Variants in POU2F1 observed in about 807,000 individuals in gnomAD.
POU2F1 encodes POU class 2 homeobox 1.
POU2F1 carries 16 observed loss-of-function variants against 84.9 expected under a neutral mutation model. The observed-to-expected ratio is 0.19, with a 90% confidence interval of 0.13 to 0.29. POU2F1 has a LOEUF of 0.29. Ranked by LOEUF, POU2F1 falls within the 10% of genes least tolerant of loss-of-function variation. The pLI is 1.00. For missense variants in POU2F1, 738 were observed against 942.6 expected (o/e 0.78, Z 2.84); for synonymous variants, 368 against 368.3 (o/e 1.00, Z 0.01).
chr1:167,310,763 A>G (rs1472024287), intron 1 of POU2F1, among the ~76,000 whole-genome samples: 1 of 152,190 alleles, frequency 6.6e-6, no homozygotes, highest in Non-Finnish European at 1.5e-5. Context: ...AAACAAATGA[A>G]AAAAATGTGG....
chr1:167,285,111 C>T (rs909900573), intron 1 of POU2F1, among the ~76,000 whole-genome samples: 14 of 152,126 alleles, frequency 9.2e-5, no homozygotes, highest in African/African-American at 3.4e-4. Context: ...TTCATTCTGC[C>T]ACTTGTATAG....
At chr1:167,315,304 G>A (rs1655805587) in intron 1 of POU2F1, among the ~76,000 whole-genome samples, 1 of 152,154 alleles carries the variant, frequency 6.6e-6, no homozygotes, top group Admixed American at 6.5e-5. Flanking sequence ...GTATACAGAT[G>A]TGCTTTACAT....
chr1:167,299,404 G>T (rs1654504165), intron 1 of POU2F1, among the ~76,000 whole-genome samples: 1 of 152,072 alleles, frequency 6.6e-6, no homozygotes, highest in Non-Finnish European at 1.5e-5. Flanking sequence ...TATTTAATAT[G>T]TTGAAAAAAT....
At chr1:167,259,666 G>A (rs1236975123) in intron 1 of POU2F1, among the ~76,000 whole-genome samples, 2 of 152,100 alleles carry the variant, frequency 1.3e-5, no homozygotes, top group Non-Finnish European at 2.9e-5. Flanking sequence ...TGTAGGGTGT[G>A]CACATCTTTA....
intron 1 of POU2F1, among the ~76,000 whole-genome samples, chr1:167,331,758 C>G (rs1200865268): frequency 2.0e-5 from 3 of 151,992 alleles, no homozygotes. Context: ...ATGATAAACT[C>G]AAATTAGCAG....
intron 9 of POU2F1, among the ~76,000 whole-genome samples, chr1:167,395,282 G>C (rs1476293255): frequency 1.3e-5 from 2 of 152,158 alleles, no homozygotes; most frequent in Non-Finnish European, 2.9e-5. Flanking sequence ...AGGTTACTAA[G>C]TTTCCATTGC....
chr1:167,363,653 G>A (rs1393437237), intron 2 of POU2F1, among the ~76,000 whole-genome samples: 1 of 152,154 alleles, frequency 6.6e-6, no homozygotes, highest in Admixed American at 6.5e-5. Context: ...CTTGACACAA[G>A]CATGCATTCT....
intron 2 of POU2F1, among the ~76,000 whole-genome samples, chr1:167,364,528 CA>C (rs1157561323): frequency 0.12 from 6,187 of 51,798 alleles, 367 homozygotes; most frequent in African/African-American, 0.3. Flanking sequence ...AGCTCCGTCT[CA>C]AAAAAAAAAA....
intron 1 of POU2F1, among the ~76,000 whole-genome samples, chr1:167,302,134 C>T (rs1190038663): frequency 6.6e-6 from 1 of 151,988 alleles, no homozygotes; most frequent in Non-Finnish European, 1.5e-5. Context: ...GGCAGTGGCA[C>T]CATCTCGGCT....
intron 7 of POU2F1, among the ~76,000 whole-genome samples, chr1:167,381,766 C>T (rs964945694): frequency 6.6e-6 from 1 of 151,678 alleles, no homozygotes; most frequent in Admixed American, 6.6e-5. Context: ...TGTGCCACCA[C>T]ACCCGGTTAA....
At chr1:167,311,755 G>A (rs1422514943) in intron 1 of POU2F1, among the ~76,000 whole-genome samples, 1 of 147,852 alleles carries the variant, frequency 6.8e-6, no homozygotes, top group East Asian at 2.0e-4. Context: ...AGCTACTATG[G>A]GTTATTACAA....
At chr1:167,274,884 T>C (rs911800649) in intron 1 of POU2F1, among the ~76,000 whole-genome samples, 3 of 152,174 alleles carry the variant, frequency 2.0e-5, no homozygotes, top group Admixed American at 1.3e-4. Context: ...CATTTTCCTT[T>C]ACAGCTCCTT....
At chr1:167,412,963 G>T (rs1274581615) in intron 14 of POU2F1, 63 bp from the exon 15 acceptor site, 2 of 1,351,120 alleles carry the variant, frequency 1.5e-6, no homozygotes, top group East Asian at 2.3e-5. Context: ...TCCTTTTGGT[G>T]TGTTGTCAAA....
At chr1:167,400,064 A>G (rs1012590593) in intron 12 of POU2F1, among the ~76,000 whole-genome samples, 33 of 135,272 alleles carry the variant, frequency 2.4e-4, no homozygotes, top group African/African-American at 7.3e-4. Flanking sequence ...GCTCACTGCA[A>G]CCTCCGCCTC....
chr1:167,237,766 ATATATATTTTTTTTT>A (rs1649595485), intron 1 of POU2F1, among the ~76,000 whole-genome samples: 9 of 58,006 alleles, frequency 1.6e-4, no homozygotes, highest in Non-Finnish European at 2.0e-4. Context: ...ATATATATAT[ATATATATTTTTTTTT>A]TTTTTTTTTT....
At chr1:167,410,556 C>G (rs1327867009) in intron 13 of POU2F1, among the ~76,000 whole-genome samples, 1 of 152,016 alleles carries the variant, frequency 6.6e-6, no homozygotes, top group Non-Finnish European at 1.5e-5. Flanking sequence ...TACTTCGTCA[C>G]CCAGACTGGA....
intron 1 of POU2F1, 59 bp downstream of exon 1, chr1:167,221,017 C>G: frequency 7.2e-7 from 1 of 1,390,236 alleles, no homozygotes; most frequent in Non-Finnish European, 9.8e-7. Context: ...TCCCGCTGCC[C>G]CCCCCCGCGA....
At chr1:167,274,198 C>T (rs570183168) in intron 1 of POU2F1, among the ~76,000 whole-genome samples, 2 of 152,252 alleles carry the variant, frequency 1.3e-5, no homozygotes, top group East Asian at 3.9e-4. Context: ...TTATTAGTTA[C>T]GTACCCCTCC....
At position 167,426,981 on chromosome 1, in the gene POU2F1, C is replaced by A. The variant is rs1022085969; in HGVS notation, c.*11171C>A. The A allele has an allele frequency of 1.3e-5, 2 of 152,180 alleles. No homozygotes were observed. The highest frequency in any genetic ancestry group is 4.8e-5 in the African/African-American group (2 of 41,418). The allele number at this position is 152,180 out of a possible 1,614,324, so 9.4% of individuals were successfully genotyped here. ...TCAGCTGATAACTTGCGTGCTGGAC[C>A]TTGTTATCTGTGCCCCTGGGAGACA... On this transcript the variant is annotated 3_prime_UTR_variant, in exon 16 of 16. Transcript: ENST00000367866.
Sources: gnomAD v4.1 joint callset for allele counts (sites outside exome capture counted in the v4.1 genomes callset) on GRCh38, gnomAD v4.1.1 for gene constraint, MANE v1.5 for transcripts, NCBI Gene and HGNC (gene_info 2026-07-23, HGNC 2026-07-21) for gene names.